Variants in TTC27 observed in about 807,000 individuals in gnomAD.
TTC27 encodes the protein tetratricopeptide repeat domain 27, also known as tetratricopeptide repeat protein 27.
A neutral mutation model predicts 115.9 loss-of-function variants in TTC27; 79 were observed. The ratio of observed to expected loss-of-function variants is 0.68; its 90% CI spans 0.57 to 0.82. TTC27 has a LOEUF of 0.82. TTC27 is among the 40% of genes least tolerant of loss of function. The pLI, the probability that TTC27 is intolerant of heterozygous loss-of-function variation, is 0.00. For missense variants in TTC27, 1,054 were observed against 993.1 expected (o/e 1.06, Z -0.82); for synonymous variants, 401 against 356.0 (o/e 1.13, Z -1.42).
At chr2:32,743,986 GT>G (rs1668733343) in intron 12 of TTC27, among the ~76,000 whole-genome samples, 1 of 152,168 alleles carries the variant, frequency 6.6e-6, no homozygotes, top group Non-Finnish European at 1.5e-5. Flanking sequence ...TTCCAGTTGA[GT>G]TCATCCAATG....
chr2:32,789,341 C>T (rs544182098), intron 16 of TTC27, among the ~76,000 whole-genome samples: 1 of 152,158 alleles, frequency 6.6e-6, no homozygotes, highest in African/African-American at 2.4e-5. Context: ...ACCACCCCTA[C>T]CACCCCCAGA....
chr2:32,800,566 C>T (rs868503645), intron 16 of TTC27, among the ~76,000 whole-genome samples: 5 of 152,072 alleles, frequency 3.3e-5, no homozygotes, highest in Middle Eastern at 3.2e-3. Flanking sequence ...GGCACAATCT[C>T]GGCTCTCTGC....
At chr2:32,714,126 T>C (rs1046994566) in intron 10 of TTC27, among the ~76,000 whole-genome samples, 3 of 151,806 alleles carry the variant, frequency 2.0e-5, no homozygotes, top group African/African-American at 7.3e-5. Flanking sequence ...TGCGTAGTAT[T>C]CCATGGTGTA....
intron 14 of TTC27, among the ~76,000 whole-genome samples, chr2:32,781,258 T>A (rs1157167676): frequency 2.0e-5 from 3 of 152,236 alleles, no homozygotes; most frequent in Non-Finnish European, 4.4e-5. Context: ...CCAAACATTC[T>A]CTCATTATGT....
intron 12 of TTC27, among the ~76,000 whole-genome samples, chr2:32,745,055 A>C (rs1200136695): frequency 6.6e-5 from 1 of 15,166 alleles, no homozygotes; most frequent in African/African-American, 2.2e-4. Context: ...ACTCTGTCTC[A>C]AAAAAAAAAA....
At chr2:32,698,542 C>G (rs1053695211) in intron 9 of TTC27, among the ~76,000 whole-genome samples, 1 of 148,244 alleles carries the variant, frequency 6.7e-6, no homozygotes, top group Admixed American at 6.8e-5. Context: ...TGCAGTGGCG[C>G]GATCTCAGCT....
intron 16 of TTC27, among the ~76,000 whole-genome samples, chr2:32,795,088 G>A (rs1258877855): frequency 6.6e-6 from 1 of 150,718 alleles, no homozygotes; most frequent in African/African-American, 2.4e-5. Context: ...CATGCTATGA[G>A]GCCAGCATTA....
chr2:32,727,233 T>G (rs1489584672), intron 10 of TTC27, among the ~76,000 whole-genome samples: 1 of 152,196 alleles, frequency 6.6e-6, no homozygotes, highest in East Asian at 1.9e-4. Flanking sequence ...CTGATGAGAT[T>G]GTGGTGATAT....
Position 32,711,116 on chromosome 2 carries a change from C to CAAAAA in TTC27, c.1233+8215_1233+8219dup, listed in dbSNP as rs34140897. 6.5e-4 allele frequency among the ~76,000 whole-genome samples: 39 copies of CAAAAA among 59,862 alleles called. 2 individuals are homozygous for CAAAAA. Among genetic ancestry groups the CAAAAA allele is most frequent in the Non-Finnish European group, 9.7e-4 (30 of 30,770 alleles). 39.3% of individuals were successfully genotyped at this position (59,862 alleles called of 152,430 possible). ...TGGGTGACAGACCAAGACTCTGTCT[C>CAAAAA]AAAAAAAAAAAAAAAAAAAAAAAGA... On this transcript the variant is annotated intron_variant, in intron 10 of 19. Transcript: ENST00000317907.
chr2:32,634,722 T>A (rs2151859644), intron 3 of TTC27, among the ~76,000 whole-genome samples: 1 of 152,212 alleles, frequency 6.6e-6, no homozygotes, highest in African/African-American at 2.4e-5. Context: ...AATGGCGCGA[T>A]CTCAGCTCAC....
At chr2:32,736,486 A>G (rs1668455738) in intron 11 of TTC27, among the ~76,000 whole-genome samples, 1 of 152,194 alleles carries the variant, frequency 6.6e-6, no homozygotes, top group African/African-American at 2.4e-5. Flanking sequence ...TTGTTCTTTA[A>G]TTCCTTATAC....
intron 3 of TTC27, among the ~76,000 whole-genome samples, chr2:32,638,254 C>T (rs1664501130): frequency 6.6e-6 from 1 of 151,920 alleles, no homozygotes; most frequent in Admixed American, 6.6e-5. Flanking sequence ...GCAGAGATAA[C>T]AGTAGGCTTT....
intron 8 of TTC27, among the ~76,000 whole-genome samples, chr2:32,678,467 G>A (rs1666298024): frequency 6.6e-6 from 1 of 151,498 alleles, no homozygotes; most frequent in African/African-American, 2.4e-5. Context: ...TCGCTCTGTT[G>A]CCCAGGCTGG....
intron 9 of TTC27, among the ~76,000 whole-genome samples, chr2:32,687,284 A>G (rs1325865269): frequency 1.3e-5 from 2 of 152,240 alleles, no homozygotes; most frequent in Non-Finnish European, 2.9e-5. Flanking sequence ...AATTAAAGAT[A>G]TTATTATTCT....
At chr2:32,755,012 C>T (rs1669169628) in intron 12 of TTC27, among the ~76,000 whole-genome samples, 1 of 151,888 alleles carries the variant, frequency 6.6e-6, no homozygotes, top group Non-Finnish European at 1.5e-5. Context: ...GGGCTCCTCA[C>T]TTCTCAGATG....
Position 32,746,030 on chromosome 2 carries a change from A to G in TTC27, c.1452+9214A>G, listed in dbSNP as rs921983151. Among the ~76,000 whole-genome samples, 9 of 152,188 alleles carry G rather than the reference A, an allele frequency of 5.9e-5. No homozygotes were observed. In the South Asian group the frequency reaches 6.2e-4, roughly 11 times the overall value. On this transcript the variant is annotated intron_variant, in intron 12 of 19. Transcript: ENST00000317907. ...TGCTGAGATAGTCATTGCCAAAAAAAAGTATTAAAATTAATAATTAGTTGT... is the reference window on the plus strand; with the variant it reads ...TGCTGAGATAGTCATTGCCAAAAAAGAGTATTAAAATTAATAATTAGTTGT...
intron 10 of TTC27, among the ~76,000 whole-genome samples, chr2:32,705,941 G>T (rs1296766255): frequency 6.6e-6 from 1 of 151,828 alleles, no homozygotes; most frequent in Non-Finnish European, 1.5e-5. Context: ...TTTTTAAATT[G>T]GTATTCTACT....
chr2:32,769,203 T>C (rs1251798585), intron 13 of TTC27, among the ~76,000 whole-genome samples: 2 of 152,162 alleles, frequency 1.3e-5, no homozygotes, highest in East Asian at 3.9e-4. Flanking sequence ...GAAACAGGAC[T>C]CAAAGTACAT....
intron 12 of TTC27, among the ~76,000 whole-genome samples, chr2:32,750,686 C>T (rs1019348317): frequency 1.3e-5 from 2 of 151,998 alleles, no homozygotes; most frequent in East Asian, 1.9e-4. Flanking sequence ...TTTCTTCAAA[C>T]GGGGGTTTAG....
Sources: gnomAD v4.1 joint callset for allele counts (sites outside exome capture counted in the v4.1 genomes callset) on GRCh38, gnomAD v4.1.1 for gene constraint, MANE v1.5 for transcripts, NCBI Gene and HGNC (gene_info 2026-07-23, HGNC 2026-07-21) for gene names.